The following ANK3 variants were observed in gnomAD, a reference collection of about 807,000 sequenced individuals.
The protein encoded by ANK3 is ankyrin 3.
Under a neutral mutation model 370.9 loss-of-function variants are expected in ANK3, and 57 were observed. That is an observed-to-expected ratio of 0.15 (90% CI 0.12 to 0.19). The LOEUF is 0.19. Among genes scored for constraint, ANK3 ranks in the 10% least tolerant of loss-of-function variants. The probability of loss-of-function intolerance (pLI) is 1.00; values close to 1 mark genes in which losing one functional copy is unlikely to be tolerated. For missense variants in ANK3, 4,439 were observed against 5,302.1 expected (o/e 0.84, Z 5.06); for synonymous variants, 1,929 against 1,946.3 (o/e 0.99, Z 0.23).
At chr10:60,060,109 T>A (rs1412418339) in intron 40 of ANK3, 1 of 822,406 alleles carries the variant, frequency 1.2e-6, no homozygotes, top group Non-Finnish European at 1.8e-6. Flanking sequence ...AAATGTATGA[T>A]GAATTACAGA....
At chr10:60,246,645 G>A (rs1018435716) in intron 7 of ANK3, among the ~76,000 whole-genome samples, 1 of 152,210 alleles carries the variant, frequency 6.6e-6, no homozygotes, top group Non-Finnish European at 1.5e-5. Context: ...CAGGCTCTGA[G>A]TGTTGGGATC....
At chr10:60,061,670 T>G (rs2080494994) in intron 40 of ANK3, among the ~76,000 whole-genome samples, 1 of 152,172 alleles carries the variant, frequency 6.6e-6, no homozygotes, top group Non-Finnish European at 1.5e-5. Flanking sequence ...AGAACCGCTT[T>G]TTACTTCATT....
intron 2 of ANK3, among the ~76,000 whole-genome samples, chr10:60,548,052 T>C (rs1049467001): frequency 1.3e-5 from 2 of 152,094 alleles, no homozygotes; most frequent in Non-Finnish European, 2.9e-5. Flanking sequence ...GTTCTCATCA[T>C]TTTCTCCCAA....
At position 60,083,595 on chromosome 10, in the gene ANK3, T is replaced by C. The variant is rs753456521; in HGVS notation, c.4097A>G (p.Tyr1366Cys). Residue 1366 changes from tyrosine to cysteine, a missense_variant, in exon 33 of 44, where the codon TAT (tyrosine) becomes TGT (cysteine). Tyr to Cys is a radical substitution (Grantham distance 194). Transcript: ENST00000280772. ...DIEVLEGKPI[Y>C]VDCYGNLAPL... Reference sequence around the variant, plus strand: ...GGCCAAATTTCCATAACAATCAACATAAATAGGTTTTCCTTCCAGAACCTT... The same window carrying C: ...GGCCAAATTTCCATAACAATCAACACAAATAGGTTTTCCTTCCAGAACCTT... The C allele has an allele frequency of 3.7e-6, 6 of 1,606,576 alleles. No homozygotes were observed. In the African/African-American group the frequency reaches 8.0e-5, roughly 22 times the overall value.
At chr10:60,247,351 T>A (rs1161802715) in intron 7 of ANK3, among the ~76,000 whole-genome samples, 1 of 152,094 alleles carries the variant, frequency 6.6e-6, no homozygotes, top group East Asian at 1.9e-4. Flanking sequence ...GCTTTAAAAA[T>A]TTTTTTAATT....
chr10:60,719,629 C>G (rs142905982), intron 1 of ANK3, among the ~76,000 whole-genome samples: 38 of 152,248 alleles, frequency 2.5e-4, no homozygotes, highest in Middle Eastern at 6.8e-3. Context: ...TACTTTCCCT[C>G]TTCTATGAGG....
At chr10:60,693,928 G>T (rs1383036379) in intron 1 of ANK3, among the ~76,000 whole-genome samples, 2 of 152,062 alleles carry the variant, frequency 1.3e-5, no homozygotes, top group Non-Finnish European at 2.9e-5. Context: ...AGAGAAGAAG[G>T]CTTCAGACGA....
intron 42 of ANK3, among the ~76,000 whole-genome samples, chr10:60,047,215 C>T (rs750338926): frequency 6.6e-6 from 1 of 152,162 alleles, no homozygotes; most frequent in Admixed American, 6.5e-5. Flanking sequence ...CTTCCCTTCC[C>T]CCCAACCATT....
chr10:60,324,427 G>A (rs1036811893), intron 1 of ANK3, among the ~76,000 whole-genome samples: 45 of 152,126 alleles, frequency 3.0e-4, no homozygotes, highest in African/African-American at 1.1e-3. Flanking sequence ...TTACAATATT[G>A]CTCAAATTAT....
chr10:60,069,558 G>A lies in ANK3; in HGVS notation c.11323C>T (p.Pro3775Ser). 2.5e-6 allele frequency: 4 copies of A among 1,613,402 alleles called. No individual in the cohort carries two copies. Among genetic ancestry groups the A allele is most frequent in the Non-Finnish European group, 3.4e-6 (4 of 1,179,864 alleles). Reference protein sequence around the residue: ...NTANSQMGVRPHEKHDFQKDN... With the variant: ...NTANSQMGVRSHEKHDFQKDN... Reference sequence around the variant, plus strand: ...TTTTGAAAATCATGTTTTTCATGGGGCCTAACGCCCATCTGGCTATTGGCT... The same window carrying A: ...TTTTGAAAATCATGTTTTTCATGGGACCTAACGCCCATCTGGCTATTGGCT... Residue 3775 changes from proline (P) to serine (S), a missense_variant, in exon 37 of 44, where the codon CCC becomes TCC. By Grantham distance (74) the Pro-to-Ser change is moderately conservative (BLOSUM62 -1). Transcript: ENST00000280772.
intron 5 of ANK3, among the ~76,000 whole-genome samples, chr10:60,268,621 A>G (rs765866287): frequency 6.6e-6 from 1 of 151,862 alleles, no homozygotes; most frequent in Non-Finnish European, 1.5e-5. Flanking sequence ...TAATGCAAAC[A>G]TATCTATAAT....
At chr10:60,362,766 G>A (rs904098914) in intron 1 of ANK3, among the ~76,000 whole-genome samples, 1 of 152,120 alleles carries the variant, frequency 6.6e-6, no homozygotes, top group African/African-American at 2.4e-5. Context: ...CCTTCACTGA[G>A]CACCATCTCT....
intron 26 of ANK3, among the ~76,000 whole-genome samples, chr10:60,113,219 T>A (rs1408022287): frequency 6.6e-6 from 1 of 152,106 alleles, no homozygotes; most frequent in African/African-American, 2.4e-5. Context: ...ATATCTTTAT[T>A]CTTTTTATTC....
At chr10:60,698,144 T>C (rs1241286051) in intron 1 of ANK3, among the ~76,000 whole-genome samples, 2 of 151,500 alleles carry the variant, frequency 1.3e-5, no homozygotes, top group East Asian at 3.9e-4. Context: ...AAAAAAAACA[T>C]GAAAAAATGC....
chr10:60,384,798 C>T (rs780191212), intron 1 of ANK3, among the ~76,000 whole-genome samples: 50 of 152,256 alleles, frequency 3.3e-4, no homozygotes, highest in Middle Eastern at 6.8e-3. Context: ...TTAATTCTTC[C>T]TCTTCCCCTT....
At chr10:60,706,199 C>T (rs2133423649) in intron 1 of ANK3, among the ~76,000 whole-genome samples, 1 of 152,304 alleles carries the variant, frequency 6.6e-6, no homozygotes, top group African/African-American at 2.4e-5. Flanking sequence ...TGCACAAGCA[C>T]CACCATTGTA....
chr10:60,627,181 AT>A lies in ANK3; in HGVS notation c.58-11958del, dbSNP rs1267837669. Among the ~76,000 whole-genome samples the A allele has an allele frequency of 5.3e-5, 8 of 152,266 alleles. No homozygotes were observed. In the East Asian group the frequency reaches 1.5e-3, roughly 29 times the overall value. On this transcript the variant is annotated intron_variant, in intron 1 of 43. Transcript: ENST00000373827. ...AGGTGTAGATTAGCTGTGATGTCCA[AT>A]TTAAACATACAACACTAAATTCATT...
chr10:60,197,514 T>C (rs1366872718), intron 14 of ANK3, among the ~76,000 whole-genome samples: 1 of 152,208 alleles, frequency 6.6e-6, no homozygotes, highest in Non-Finnish European at 1.5e-5. Flanking sequence ...CACCCATTAT[T>C]CTGTTTCACA....
At chr10:60,348,367 A>ACACACAC (rs779742759) in intron 1 of ANK3, among the ~76,000 whole-genome samples, 2 of 126,228 alleles carry the variant, frequency 1.6e-5, no homozygotes, top group Non-Finnish European at 3.3e-5. Flanking sequence ...AAAAAAAAAA[A>ACACACAC]AAACACAAAA....
Sources: gnomAD v4.1 joint callset for allele counts (sites outside exome capture counted in the v4.1 genomes callset) on GRCh38, gnomAD v4.1.1 for gene constraint, MANE v1.5 for transcripts, NCBI Gene and HGNC (gene_info 2026-07-23, HGNC 2026-07-21) for gene names.